Variants in ZSWIM5 observed in about 807,000 individuals in gnomAD.
ZSWIM5 encodes the protein zinc finger SWIM-type containing 5, also known as zinc finger SWIM domain-containing protein 5.
Under a neutral mutation model 119.6 loss-of-function variants are expected in ZSWIM5, and 55 were observed. That is an observed-to-expected ratio of 0.46 (90% confidence interval 0.37 to 0.58). The LOEUF (loss-of-function observed/expected upper bound fraction) is 0.58. Among genes scored for constraint, ZSWIM5 ranks in the 20% least tolerant of loss-of-function variants. ZSWIM5 has a pLI of 0.00. For missense variants in ZSWIM5, 1,193 were observed against 1,512.8 expected (o/e 0.79, Z 3.51); for synonymous variants, 537 against 606.9 (o/e 0.88, Z 1.69).
At chr1:45,081,834 C>T (rs552351380) in intron 2 of ZSWIM5, among the ~76,000 whole-genome samples, 2 of 152,120 alleles carry the variant, frequency 1.3e-5, no homozygotes, top group African/African-American at 4.8e-5. Flanking sequence ...GTGTACCCAA[C>T]AGCTCATTGA....
intron 1 of ZSWIM5, among the ~76,000 whole-genome samples, chr1:45,096,034 C>T (rs1645399498): frequency 1.3e-5 from 2 of 152,186 alleles, no homozygotes; most frequent in South Asian, 4.1e-4. Flanking sequence ...TCCCAAATAT[C>T]ATCTTTGTGA....
chr1:45,171,404 A>G (rs1645945263), intron 1 of ZSWIM5, among the ~76,000 whole-genome samples: 1 of 152,108 alleles, frequency 6.6e-6, no homozygotes, highest in Admixed American at 6.6e-5. Flanking sequence ...TTACAAGGTC[A>G]GAAAATCAAT....
At chr1:45,126,681 T>C (rs529074990) in intron 1 of ZSWIM5, among the ~76,000 whole-genome samples, 19 of 152,186 alleles carry the variant, frequency 1.2e-4, no homozygotes, top group South Asian at 1.2e-3. Context: ...AGCAGGAGGA[T>C]AGCTTGAGCT....
chr1:45,112,340 A>C (rs75707739), intron 1 of ZSWIM5, among the ~76,000 whole-genome samples: 3 of 152,150 alleles, frequency 2.0e-5, no homozygotes, highest in Non-Finnish European at 2.9e-5. Flanking sequence ...TGTGATCTTC[A>C]GCAGGTTACA....
intron 1 of ZSWIM5, among the ~76,000 whole-genome samples, chr1:45,110,116 C>T (rs1645508094): frequency 6.6e-6 from 1 of 152,194 alleles, no homozygotes; most frequent in African/African-American, 2.4e-5. Flanking sequence ...ATCCTCCCAC[C>T]TTGGCCTCCC....
chr1:45,031,403 C>T (rs1436090115), intron 11 of ZSWIM5, among the ~76,000 whole-genome samples: 3 of 150,936 alleles, frequency 2.0e-5, no homozygotes, highest in Non-Finnish European at 4.4e-5. Flanking sequence ...AGGCTGGTCT[C>T]GAACTCCTGG....
intron 1 of ZSWIM5, among the ~76,000 whole-genome samples, chr1:45,119,108 A>G (rs1179084785): frequency 6.6e-6 from 1 of 152,222 alleles, no homozygotes; most frequent in Non-Finnish European, 1.5e-5. Context: ...CAACAGGTTC[A>G]ACAGAAACCC....
intron 11 of ZSWIM5, among the ~76,000 whole-genome samples, chr1:45,026,718 G>C (rs184240279): frequency 1.3e-5 from 2 of 152,202 alleles, no homozygotes; most frequent in Admixed American, 6.5e-5. Flanking sequence ...TGGTTTTAGA[G>C]TAATGCTGGC....
intron 1 of ZSWIM5, among the ~76,000 whole-genome samples, chr1:45,152,782 C>G (rs1645804836): frequency 6.6e-6 from 1 of 152,008 alleles, no homozygotes; most frequent in South Asian, 2.1e-4. Flanking sequence ...AGGGCTTTTA[C>G]ACAGCAAAAG....
intron 6 of ZSWIM5, among the ~76,000 whole-genome samples, chr1:45,040,824 A>G (rs995345597): frequency 6.6e-6 from 1 of 152,220 alleles, no homozygotes; most frequent in Non-Finnish European, 1.5e-5. Context: ...ATATTATACT[A>G]TGGGAAACCA....
Position 45,058,707 on chromosome 1 carries a change from A to G in ZSWIM5, c.1154T>C (p.Leu385Pro). 1 of 1,614,192 alleles carries G rather than the reference A, an allele frequency of 6.2e-7. No individual in the cohort carries two copies. The highest frequency in any genetic ancestry group is 8.5e-7 in the Non-Finnish European group (1 of 1,180,036). The change falls in exon 4 of 14, where the codon CTA becomes CCA. Residue 385 changes from leucine to proline, a missense_variant. By Grantham distance (98) the Leu-to-Pro change is moderately conservative. This residue lies in a region of ZSWIM5 where 961 missense variants were observed against 1,290.0 expected (regional missense o/e 0.74). Coordinates refer to ENST00000359600, the MANE Select transcript of ZSWIM5 (RefSeq NM_020883.2). ...GTCAGCCACAAACTGCTCAGTTATT[A>G]GTGTCAGCATCCTTGCTCCATTGGA... The part of the protein sequence containing the change: ...RDSNGARMLT[L>P]ITEQFVADPR...
intron 1 of ZSWIM5, among the ~76,000 whole-genome samples, chr1:45,147,041 C>T (rs887315061): frequency 1.3e-5 from 2 of 151,858 alleles, no homozygotes; most frequent in African/African-American, 4.8e-5. Flanking sequence ...TAACAAGTGA[C>T]ATCATCTTTA....
intron 1 of ZSWIM5, among the ~76,000 whole-genome samples, chr1:45,111,726 ATC>A (rs1645519876): frequency 6.6e-6 from 1 of 152,218 alleles, no homozygotes; most frequent in Non-Finnish European, 1.5e-5. Context: ...CTGACATTGA[ATC>A]TCTTTCACTG....
In ZSWIM5 at chr1:45,061,697, A is replaced by G. The variant is rs557328810; in HGVS notation, c.953-1450T>C. ...GCCTGACCTATGTATACATTATAGGAAGATTTGATCAAGCCAATTAACATA... is the reference window on the plus strand; with the variant it reads ...GCCTGACCTATGTATACATTATAGGGAGATTTGATCAAGCCAATTAACATA... On this transcript the variant is annotated intron_variant, in intron 2 of 13. Coordinates refer to ENST00000359600, the MANE Select transcript of ZSWIM5 (RefSeq NM_020883.2). Among the ~76,000 whole-genome samples, 6 of 150,776 alleles carry G rather than the reference A, an allele frequency of 4.0e-5. No individual in the cohort carries two copies. In the South Asian group the frequency reaches 1.3e-3, roughly 32 times the overall value.
At chr1:45,110,399 G>T (rs1485646635) in intron 1 of ZSWIM5, among the ~76,000 whole-genome samples, 1 of 152,162 alleles carries the variant, frequency 6.6e-6, no homozygotes, top group Non-Finnish European at 1.5e-5. Context: ...TTCAGGTCTA[G>T]ATTCAAGAGT....
intron 1 of ZSWIM5, among the ~76,000 whole-genome samples, chr1:45,121,301 T>C (rs988064472): frequency 6.8e-6 from 1 of 146,164 alleles, no homozygotes; most frequent in South Asian, 2.1e-4. Context: ...CATACAGTAG[T>C]CAGTTTTCCT....
chr1:45,139,438 C>T (rs71653952), intron 1 of ZSWIM5, among the ~76,000 whole-genome samples: 1 of 144,782 alleles, frequency 6.9e-6, no homozygotes, highest in Non-Finnish European at 1.5e-5. Context: ...CTCTCCTTCC[C>T]TCCTCTCTCC....
At chr1:45,120,349 C>A (rs1645584032) in intron 1 of ZSWIM5, among the ~76,000 whole-genome samples, 1 of 152,122 alleles carries the variant, frequency 6.6e-6, no homozygotes, top group African/African-American at 2.4e-5. Context: ...CAACAAAAAC[C>A]ACACAACACT....
Position 45,205,809 on chromosome 1 carries a change from C to A in ZSWIM5, c.542G>T (p.Arg181Leu), listed in dbSNP as rs763585662. ...AGCGGEGLPF[R>L]RGIRLLDSGS... is the part of the protein sequence containing the mutation. ...GCTGTCCAGCAGACGGATGCCCCGGCGGAACGGGAGCCCCTCGCCACCGCA... is the reference window on the plus strand; with the variant it reads ...GCTGTCCAGCAGACGGATGCCCCGGAGGAACGGGAGCCCCTCGCCACCGCA... Residue 181 changes from arginine to leucine, a missense_variant, in exon 1 of 14, where the codon CGC becomes CTC. This residue lies in a region of ZSWIM5 where 961 missense variants were observed against 1,290.0 expected (regional missense o/e 0.74). Coordinates refer to ENST00000359600, the MANE Select transcript of ZSWIM5 (RefSeq NM_020883.2). 5 of 1,543,186 alleles carry A rather than the reference C, an allele frequency of 3.2e-6. No individual in the cohort carries two copies. The African/African-American group carries it at 4.2e-5, about 13-fold the overall frequency.
Sources: gnomAD v4.1 joint callset for allele counts (sites outside exome capture counted in the v4.1 genomes callset) on GRCh38, gnomAD v4.1.1 for gene constraint, gnomAD v4.1.1 regional missense constraint, MANE v1.5 for transcripts, NCBI Gene and HGNC (gene_info 2026-07-23, HGNC 2026-07-21) for gene names.